Variants in ITGAE observed in about 807,000 individuals in gnomAD.
The protein encoded by ITGAE is integrin alpha-E.
A neutral mutation model predicts 136.5 loss-of-function variants in ITGAE; 99 were observed. The ratio of observed to expected loss-of-function variants is 0.73; its 90% CI spans 0.62 to 0.86. The LOEUF (loss-of-function observed/expected upper bound fraction) is 0.86, where lower values mean the gene tolerates loss of function less well. Ranked by LOEUF, ITGAE falls within the 40% of genes least tolerant of loss-of-function variation. ITGAE has a pLI of 0.00. For missense variants in ITGAE, 1,447 were observed against 1,515.3 expected, an observed-to-expected ratio of 0.95 and a Z score of 0.75; for synonymous variants, 613 against 591.8, an observed-to-expected ratio of 1.04 and a Z score of -0.52.
chr17:3,753,291 T>A lies in ITGAE; in HGVS notation c.1667A>T (p.Gln556Leu), dbSNP rs2051915201. 1 of 1,613,730 alleles carries A rather than the reference T, an allele frequency of 6.2e-7. No homozygotes were observed. The highest frequency in any genetic ancestry group is 8.5e-7 in the Non-Finnish European group (1 of 1,179,712). Reference sequence around the variant, plus strand: ...TCATGAAGATGGAGACTCTCCCACCTGCTCGCTGAGACGGTACACGTAGAC... The same window carrying A: ...TCATGAAGATGGAGACTCTCCCACCAGCTCGCTGAGACGGTACACGTAGAC... ...GRVYVYRLSEQDGSFSLARIL... is the reference protein window; with the variant it reads ...GRVYVYRLSELDGSFSLARIL... The change falls in exon 14 of 31, where the codon CAG becomes CTG. Residue 556 changes from glutamine (Q) to leucine (L), a missense_variant and splice_region_variant. Around this residue, in one of 3 missense-constraint regions of ITGAE, gnomAD observed 1,031 missense variants for 1,011.4 expected, o/e 1.02. Transcript: ENST00000263087.
chr17:3,751,850 T>C lies in ITGAE; in HGVS notation c.1693A>G (p.Ile565Val), dbSNP rs766438355. The C allele has an allele frequency of 9.9e-6, 16 of 1,613,810 alleles. No individual in the cohort carries two copies. In the African/African-American group the frequency reaches 1.7e-4, roughly 18 times the overall value. ...GTGAACCCGGGGTGCCCACTCAGTA[T>C]GCGTGCCAAGGAGAAAGAACCATCC... ...EQDGSFSLAR[I>V]LSGHPGFTNA... Residue 565 changes from isoleucine to valine, a missense_variant, in exon 15 of 31, where the codon ATA becomes GTA. Around this residue, in one of 3 missense-constraint regions of ITGAE, gnomAD observed 1,031 missense variants for 1,011.4 expected, o/e 1.02. Coordinates refer to ENST00000263087, the MANE Select transcript of ITGAE (RefSeq NM_002208.5).
chr17:3,715,421 A>C (rs2050923520), intron 30 of ITGAE, among the ~76,000 whole-genome samples: 1 of 152,210 alleles, frequency 6.6e-6, no homozygotes. Flanking sequence ...AGAAGCCAGC[A>C]CAGAGGACTC....
chr17:3,767,542 A>G (rs2052328716), intron 2 of ITGAE, among the ~76,000 whole-genome samples: 1 of 152,140 alleles, frequency 6.6e-6, no homozygotes, highest in Non-Finnish European at 1.5e-5. Flanking sequence ...TCTCCAAATT[A>G]TTTCTAGAAA....
intron 18 of ITGAE, among the ~76,000 whole-genome samples, chr17:3,743,832 A>T (rs2051648712): frequency 6.7e-6 from 1 of 149,662 alleles, no homozygotes; most frequent in African/African-American, 2.5e-5. Context: ...CCGCCCGAGT[A>T]GCTGGGATGA....
rs143501918 is a variant in ITGAE, at chr17:3,737,622, G to A, written c.2522+2183C>T. Among the ~76,000 whole-genome samples, 3 of 152,350 alleles carry A rather than the reference G, an allele frequency of 2.0e-5. No homozygotes were observed. In the East Asian group the frequency reaches 5.8e-4, roughly 29 times the overall value. On this transcript the variant is annotated intron_variant, in intron 20 of 30. Coordinates refer to ENST00000263087, the MANE Select transcript of ITGAE (RefSeq NM_002208.5). ...TGGACACACATCTTAGAGCTCAGGC[G>A]TGAGACCTCAGTGTCATCAGAATAT...
chr17:3,754,897 G>A, intron 12 of ITGAE, among the ~76,000 whole-genome samples: 1 of 143,978 alleles, frequency 6.9e-6, no homozygotes, highest in South Asian at 2.2e-4. Flanking sequence ...CGCCCACGTG[G>A]CCTCCATGCC....
At chr17:3,720,284 C>T (rs2051022452) in intron 29 of ITGAE, 23 bp downstream of exon 29, 4 of 1,262,666 alleles carry the variant, frequency 3.2e-6, no homozygotes, top group Non-Finnish European at 4.6e-6. Context: ...TTGGGCACTA[C>T]TCAGAAGCCA....
chr17:3,723,629 C>G, intron 27 of ITGAE, 59 bp downstream of exon 27: 2 of 1,482,230 alleles, frequency 1.3e-6, no homozygotes, highest in African/African-American at 1.4e-5. Flanking sequence ...CTCCTGGCCT[C>G]TCGTTACCCG....
intron 19 of ITGAE, among the ~76,000 whole-genome samples, chr17:3,741,575 C>T (rs922315791): frequency 9.2e-5 from 14 of 152,078 alleles, no homozygotes; most frequent in Non-Finnish European, 1.6e-4. Context: ...AATCTCTTTG[C>T]CATAGCATAA....
Position 3,757,048 on chromosome 17 carries a change from C to CA in ITGAE, c.1106dup (p.Thr370AspfsTer44), listed in dbSNP as rs1168845702. On this transcript the variant is annotated frameshift_variant, in exon 10 of 31. Coordinates refer to ENST00000263087, the MANE Select transcript of ITGAE (RefSeq NM_002208.5). LOFTEE classifies it high-confidence loss of function. ...GCCCATCCAGCGCCATGTAGTTGGT[C>CA]ACCTTGAAAGCATGGGTCTCATCCG... 1 of 1,614,192 alleles carries CA rather than the reference C, an allele frequency of 6.2e-7. No individual in the cohort carries two copies. The highest frequency in any genetic ancestry group is 8.5e-7 in the Non-Finnish European group (1 of 1,180,034).
Position 3,796,189 on chromosome 17 carries a change from GT to G in ITGAE, c.34+4921del, listed in dbSNP as rs1395933258. Among the ~76,000 whole-genome samples the G allele has an allele frequency of 1.1e-3, 159 of 149,302 alleles. 2 individuals are homozygous for G. Among genetic ancestry groups the G allele is most frequent in the African/African-American group, 3.9e-3 (154 of 39,022 alleles). On this transcript the variant is annotated intron_variant, in intron 1 of 30. Coordinates refer to ENST00000263087, the MANE Select transcript of ITGAE (RefSeq NM_002208.5). Reference sequence around the variant, plus strand: ...TGCATCCGTGTGTGTGTGTGTGTGTGTGTGGTGGGGTAGTTCGCTGTATTTG... The same window carrying G: ...TGCATCCGTGTGTGTGTGTGTGTGTGGTGGTGGGGTAGTTCGCTGTATTTG...
Sources: gnomAD v4.1 joint callset for allele counts (sites outside exome capture counted in the v4.1 genomes callset) on GRCh38, gnomAD v4.1.1 for gene constraint, gnomAD v4.1.1 regional missense constraint, MANE v1.5 for transcripts, NCBI Gene and HGNC (gene_info 2026-07-23, HGNC 2026-07-21) for gene names.